The following PTPRN2 variants were observed in gnomAD, a reference collection of about 807,000 sequenced individuals.
PTPRN2 encodes the protein protein tyrosine phosphatase receptor type N2.
A neutral mutation model predicts 118.8 loss-of-function variants in PTPRN2; 74 were observed. The ratio of observed to expected loss-of-function variants is 0.62; its 90% CI spans 0.52 to 0.76. The LOEUF is 0.76. Ranked by LOEUF, PTPRN2 falls within the 30% of genes least tolerant of loss-of-function variation. The probability of loss-of-function intolerance (pLI) is 0.00; values close to 1 mark genes in which losing one functional copy is unlikely to be tolerated. For synonymous variants in PTPRN2, 641 were observed against 608.0 expected, an observed-to-expected ratio of 1.05 and a Z score of -0.80; for missense variants, 1,481 against 1,394.4, an observed-to-expected ratio of 1.06 and a Z score of -0.99.
At chr7:158,205,628 G>T (rs1394046974) in intron 3 of PTPRN2, among the ~76,000 whole-genome samples, 1 of 152,198 alleles carries the variant, frequency 6.6e-6, no homozygotes, top group Non-Finnish European at 1.5e-5. Context: ...AATTTCAGGT[G>T]AGTGGTCACA....
intron 2 of PTPRN2, among the ~76,000 whole-genome samples, chr7:158,319,398 CCACA>C (rs5888747): frequency 0.45 from 53,500 of 118,274 alleles, 15,507 homozygotes; most frequent in East Asian, 0.49. Flanking sequence ...ACACAGCCTC[CCACA>C]CACACACACA....
chr7:157,770,137 C>A (rs561774872), intron 12 of PTPRN2, among the ~76,000 whole-genome samples: 7 of 152,336 alleles, frequency 4.6e-5, no homozygotes, highest in Non-Finnish European at 8.8e-5. Flanking sequence ...CACTGCTCTG[C>A]AATTTAGAGA....
In PTPRN2 at chr7:158,164,403, A is replaced by AGC. The variant is rs1223934563; in HGVS notation, c.910+2526_910+2527dup. ...GCGTAGGAAGGACACGCAGAGCAGG[A>AGC]GCGCGCGCGTAGGAAGGGCTCGCAG... On this transcript the variant is annotated intron_variant, in intron 6 of 22. Coordinates refer to ENST00000389418, the MANE Select transcript of PTPRN2 (RefSeq NM_002847.5). 3.0e-4 allele frequency among the ~76,000 whole-genome samples: 9 copies of AGC among 30,052 alleles called. No homozygotes were observed. The Admixed American group carries it at 3.5e-3, about 12-fold the overall frequency. The allele number at this position is 30,052 out of a possible 152,430, so 19.7% of individuals were successfully genotyped here. A position where few individuals can be genotyped will look rare whatever the true frequency, so the allele number is the denominator to read the frequency against.
intron 11 of PTPRN2, among the ~76,000 whole-genome samples, chr7:158,023,886 A>G (rs1274604861): frequency 6.6e-6 from 1 of 151,304 alleles, no homozygotes; most frequent in Non-Finnish European, 1.5e-5. Context: ...ATGCAGGCAC[A>G]CACACGCAGG....
At chr7:157,621,305 A>G in intron 15 of PTPRN2, 57 bp downstream of exon 15, 3 of 1,575,240 alleles carry the variant, frequency 1.9e-6, no homozygotes, top group Non-Finnish European at 1.7e-6. Context: ...ACAGGTCAGC[A>G]CGGCCAGTTT....
chr7:158,064,603 G>A (rs189879513), intron 11 of PTPRN2, among the ~76,000 whole-genome samples: 4 of 152,274 alleles, frequency 2.6e-5, no homozygotes, highest in Admixed American at 2.0e-4. Context: ...TCTGAGGGAC[G>A]CCAAGGACTC....
At chr7:158,202,874 A>T (rs1223311290) in intron 4 of PTPRN2, among the ~76,000 whole-genome samples, 2 of 152,228 alleles carry the variant, frequency 1.3e-5, no homozygotes, top group Non-Finnish European at 2.9e-5. Context: ...TAAAAGAAAC[A>T]AACAGAAAAA....
chr7:157,776,520 TC>T (rs1803280337), intron 12 of PTPRN2, among the ~76,000 whole-genome samples: 1 of 70,882 alleles, frequency 1.4e-5, no homozygotes, highest in African/African-American at 5.5e-5. Flanking sequence ...CCTCTCCTTC[TC>T]CCTCTCCTCT....
At chr7:158,515,615 T>C (rs559640063) in intron 1 of PTPRN2, among the ~76,000 whole-genome samples, 11 of 152,206 alleles carry the variant, frequency 7.2e-5, no homozygotes, top group Non-Finnish European at 1.5e-4. Flanking sequence ...AGGGGCTTTT[T>C]CCACCTCATT....
At chr7:158,270,490 A>G (rs1436487988) in intron 3 of PTPRN2, among the ~76,000 whole-genome samples, 2 of 152,050 alleles carry the variant, frequency 1.3e-5, no homozygotes, top group African/African-American at 4.8e-5. Context: ...ACTGGCCATA[A>G]CGTGCCCCCG....
chr7:158,488,821 C>T (rs1286951508), intron 2 of PTPRN2, among the ~76,000 whole-genome samples: 1 of 152,280 alleles, frequency 6.6e-6, no homozygotes, highest in Non-Finnish European at 1.5e-5. Flanking sequence ...GAGAAGGCCT[C>T]GCTCAGTGCG....
intron 2 of PTPRN2, among the ~76,000 whole-genome samples, chr7:158,395,084 C>T (rs1262721792): frequency 6.6e-6 from 1 of 152,146 alleles, no homozygotes; most frequent in Admixed American, 6.5e-5. Flanking sequence ...CAGTGACTGA[C>T]CCCTCGTTCC....
In PTPRN2 at chr7:157,964,397, AG is replaced by A. The variant is rs1407880664; in HGVS notation, c.1724-65661del. 6.6e-6 allele frequency among the ~76,000 whole-genome samples: 1 copy of A among 152,094 alleles called. No individual in the cohort carries two copies. The highest frequency in any genetic ancestry group is 1.5e-5 in the Non-Finnish European group (1 of 68,016). ...TGGGCTGGATGGTTATTAGCATATTAGGATGACATTTGACCCTAACATTCCA... is the reference window on the plus strand; with the variant it reads ...TGGGCTGGATGGTTATTAGCATATTAGATGACATTTGACCCTAACATTCCA... On this transcript the variant is annotated intron_variant, in intron 11 of 22. Coordinates refer to ENST00000389418, the MANE Select transcript of PTPRN2 (RefSeq NM_002847.5). This position sits in a 1 kb window ranked among gnomAD's most constrained non-coding sequence, Gnocchi z 9.0.
intron 13 of PTPRN2, among the ~76,000 whole-genome samples, chr7:157,669,889 T>C (rs1201418194): frequency 1.3e-5 from 2 of 152,134 alleles, no homozygotes; most frequent in Non-Finnish European, 2.9e-5. Flanking sequence ...TGCTGTTTCC[T>C]AGTTATTTTC....
intron 12 of PTPRN2, among the ~76,000 whole-genome samples, chr7:157,802,458 C>A (rs1347257174): frequency 1.3e-5 from 2 of 152,206 alleles, no homozygotes; most frequent in African/African-American, 2.4e-5. Context: ...GGTCTATGCA[C>A]CACGCTTTCC....
intron 12 of PTPRN2, among the ~76,000 whole-genome samples, chr7:157,747,818 C>T (rs1405323902): frequency 7.6e-6 from 1 of 131,582 alleles, no homozygotes; most frequent in Non-Finnish European, 1.6e-5. Context: ...GATTCTGAGG[C>T]CTGCGTCCCT....
rs563696893 is a variant in PTPRN2, at chr7:157,932,878, G to T, written c.1724-34141C>A. ...ATTCTGATTGACAGTTTTAGAGGAG[G>T]GGTGAATCACTCCGATTGACAGTTT... On this transcript the variant is annotated intron_variant, in intron 11 of 22. Coordinates refer to ENST00000389418, the MANE Select transcript of PTPRN2 (RefSeq NM_002847.5). Among the ~76,000 whole-genome samples, 308 of 151,126 alleles carry T rather than the reference G, an allele frequency of 2.0e-3. 2 individuals carry two copies. Among genetic ancestry groups the T allele is most frequent in the Non-Finnish European group, 3.2e-3 (219 of 67,884 alleles).
intron 3 of PTPRN2, among the ~76,000 whole-genome samples, chr7:158,212,756 C>T (rs1323444143): frequency 2.0e-5 from 3 of 152,100 alleles, no homozygotes; most frequent in African/African-American, 7.2e-5. Context: ...GCCACCATAT[C>T]TTAGGTATTT....
chr7:157,692,227 C>A (rs1023366375), intron 12 of PTPRN2, among the ~76,000 whole-genome samples: 2 of 152,082 alleles, frequency 1.3e-5, no homozygotes, highest in Admixed American at 1.3e-4. Flanking sequence ...ACGCCCCTCC[C>A]GCCGCACACC....
Sources: gnomAD v4.1 joint callset for allele counts (sites outside exome capture counted in the v4.1 genomes callset) on GRCh38, gnomAD v4.1.1 for gene constraint, Gnocchi (gnomAD v3.1) non-coding constraint, MANE v1.5 for transcripts, NCBI Gene and HGNC (gene_info 2026-07-23, HGNC 2026-07-21) for gene names.